MYO5A: variants seen among roughly 807,000 people sequenced by gnomAD.
The protein encoded by MYO5A is unconventional myosin-Va.
A neutral mutation model predicts 249.7 loss-of-function variants in MYO5A; 98 were observed. The observed-to-expected ratio is 0.39, with a 90% CI of 0.33 to 0.46. The LOEUF is 0.46. Ranked by LOEUF, MYO5A falls within the 20% of genes least tolerant of loss-of-function variation. The probability of loss-of-function intolerance (pLI) is 0.98; values close to 1 mark genes in which losing one functional copy is unlikely to be tolerated. For missense variants in MYO5A, 1,696 were observed against 2,308.8 expected, an observed-to-expected ratio of 0.73 and a Z score of 5.44; for synonymous variants, 778 against 810.6, an observed-to-expected ratio of 0.96 and a Z score of 0.68.
At chr15:52,456,624 C>T (rs1448914518) in intron 1 of MYO5A, among the ~76,000 whole-genome samples, 1 of 151,858 alleles carries the variant, frequency 6.6e-6, no homozygotes, top group African/African-American at 2.4e-5. Context: ...AAAACAGACA[C>T]ATAGACCAAG....
chr15:52,410,623 T>G (rs2043206573), intron 5 of MYO5A, 147 bp from the exon 6 acceptor site: 1 of 759,592 alleles, frequency 1.3e-6, no homozygotes, highest in African/African-American at 1.8e-5. Context: ...AGTCTTGCTC[T>G]GTCACTAGGC....
chr15:52,424,029 G>GTGAT (rs2075343742), intron 4 of MYO5A, among the ~76,000 whole-genome samples: 1 of 152,184 alleles, frequency 6.6e-6, no homozygotes, highest in African/African-American at 2.4e-5. Flanking sequence ...AGCCACCCAT[G>GTGAT]TGATTTTTTC....
intron 36 of MYO5A, among the ~76,000 whole-genome samples, chr15:52,325,408 C>CTT (rs1209313890): frequency 1.2e-3 from 172 of 139,458 alleles, no homozygotes; most frequent in African/African-American, 4.0e-3. Flanking sequence ...AAGCCCCCCA[C>CTT]TTTTTTTTTT....
chr15:52,377,363 A>G (rs1236063805), intron 18 of MYO5A, among the ~76,000 whole-genome samples: 1 of 151,910 alleles, frequency 6.6e-6, no homozygotes, highest in Non-Finnish European at 1.5e-5. Flanking sequence ...TGGAGGTTGC[A>G]GTGAGCCAAG....
intron 32 of MYO5A, 43 bp downstream of exon 32, chr15:52,340,153 C>T (rs749072395): frequency 3.1e-6 from 5 of 1,604,740 alleles, no homozygotes; most frequent in Non-Finnish European, 3.4e-6. Context: ...GACTGTCGGG[C>T]AGGCTAGGTT....
rs549127504 is a variant in MYO5A, at chr15:52,360,161, G to C, written c.3310-80C>G. 4.1e-4 allele frequency: 389 copies of C among 939,344 alleles called. 1 individual carries two copies. The African/African-American group carries it at 5.7e-3, about 14-fold the overall frequency. 58.2% of individuals were successfully genotyped at this position (939,344 alleles called of 1,614,324 possible). ...GTTAAGACAGCATCCACCTTGACTT[G>C]GTTCTTATCCCTACTTCCTGACTTG... is the stretch of plus-strand genomic sequence containing the variant. On this transcript the variant is annotated intron_variant, in intron 24 of 41. Coordinates refer to ENST00000399233, the MANE Select transcript of MYO5A (RefSeq NM_001382347.1).
chr15:52,410,587 G>GT (rs2043204330), intron 5 of MYO5A, 111 bp from the exon 6 acceptor site: 4 of 856,260 alleles, frequency 4.7e-6, no homozygotes, highest in Non-Finnish European at 6.8e-6. Context: ...CCTTAAAATT[G>GT]ATTTTTTTTT....
intron 1 of MYO5A, among the ~76,000 whole-genome samples, chr15:52,439,371 T>C (rs2075737941): frequency 6.6e-6 from 1 of 152,166 alleles, no homozygotes; most frequent in African/African-American, 2.4e-5. Context: ...CTAGATCTAG[T>C]CCCTCATTAT....
Position 52,379,547 on chromosome 15 carries a change from A to G in MYO5A, c.2208+78T>C, listed in dbSNP as rs532779020. 18 of 1,292,758 alleles carry G rather than the reference A, an allele frequency of 1.4e-5. No individual in the cohort carries two copies. In the African/African-American group the frequency reaches 1.7e-4, roughly 13 times the overall value. The allele number at this position is 1,292,758 out of a possible 1,614,324, so 80.1% of individuals were successfully genotyped here. A position where few individuals can be genotyped will look rare whatever the true frequency, so the allele number is the denominator to read the frequency against. On this transcript the variant is annotated intron_variant, in intron 18 of 41. Coordinates refer to ENST00000399233, the MANE Select transcript of MYO5A (RefSeq NM_001382347.1). ...ATGATCTGGACTAGTAAAATGTTAT[A>G]CAAAAGTTCCCGGGGCTTTCCAAGG...
At chr15:52,425,060 G>T (rs1193635313) in intron 4 of MYO5A, among the ~76,000 whole-genome samples, 1 of 152,198 alleles carries the variant, frequency 6.6e-6, no homozygotes, top group Non-Finnish European at 1.5e-5. Flanking sequence ...TTCAAGCCCA[G>T]CCTGGGCAAC....
Position 52,410,419 on chromosome 15 carries a change from T to G in MYO5A, c.670A>C (p.Ile224Leu), listed in dbSNP as rs751949143. The G allele has an allele frequency of 1.2e-6, 2 of 1,613,530 alleles. No homozygotes were observed. Among genetic ancestry groups the G allele is most frequent in the South Asian group, 2.2e-5 (2 of 91,062 alleles). ...TATCTCTTATCAAAACCAATCTCAA[T>G]ATACTTCCCAAAACGGCTGCTATTA... ...NDNSSRFGKY[I>L]EIGFDKRYRI... The change falls in exon 6 of 42, where the codon ATT becomes CTT. Residue 224 changes from isoleucine to leucine, a missense_variant. Ile to Leu is a conservative substitution (Grantham distance 5). Around this residue, in one of 5 missense-constraint regions of MYO5A, gnomAD observed 197 missense variants for 320.3 expected, o/e 0.62. Transcript: ENST00000399233.
At chr15:52,482,370 C>T (rs187363371) in intron 1 of MYO5A, among the ~76,000 whole-genome samples, 95 of 152,264 alleles carry the variant, frequency 6.2e-4, no homozygotes, top group African/African-American at 2.2e-3. Flanking sequence ...GGGCTTGGGC[C>T]CTTTGCTGCT....
intron 21 of MYO5A, 70 bp from the exon 22 acceptor site, chr15:52,370,487 T>A: frequency 6.8e-7 from 1 of 1,479,658 alleles, no homozygotes; most frequent in Non-Finnish European, 9.4e-7. Context: ...AAGAAAACCA[T>A]GTTTATTCAT....
chr15:52,352,531 C>T (rs2040004731), intron 27 of MYO5A, among the ~76,000 whole-genome samples: 1 of 152,208 alleles, frequency 6.6e-6, no homozygotes, highest in Non-Finnish European at 1.5e-5. Context: ...CCTGTAATCC[C>T]AGCACTTTGG....
At chr15:52,410,957 A>G (rs1423935835) in intron 5 of MYO5A, among the ~76,000 whole-genome samples, 1 of 152,188 alleles carries the variant, frequency 6.6e-6, no homozygotes, top group East Asian at 1.9e-4. Flanking sequence ...AGTCACACAG[A>G]TATATACTAA....
Position 52,313,765 on chromosome 15 carries a change from T to C in MYO5A, c.5574A>G (p.Pro1858=), listed in dbSNP as rs372406787. 6.3e-5 allele frequency: 101 copies of C among 1,614,054 alleles called. 1 individual carries two copies. The Middle Eastern group carries it at 9.9e-4, about 16-fold the overall frequency. The change falls in exon 42 of 42, where the codon CCA becomes CCG. Residue 1858 remains proline (P), a synonymous_variant. Coordinates refer to ENST00000399233, the MANE Select transcript of MYO5A (RefSeq NM_001382347.1). ...GGATGGTTTCTAGTGCGAGGGAAGATGGGTTGAAAGGAAAGGTGACAGGAA... is the reference window on the plus strand; with the variant it reads ...GGATGGTTTCTAGTGCGAGGGAAGACGGGTTGAAAGGAAAGGTGACAGGAA... ...HIFPVTFPFN[P]SSLALETIQI...
rs767949168 is a variant in MYO5A, at chr15:52,396,307, C to T, written c.1401+9G>A. 8 of 1,460,498 alleles carry T rather than the reference C, an allele frequency of 5.5e-6. 1 individual carries two copies. In the South Asian group the frequency reaches 9.3e-5, roughly 17 times the overall value. The allele number at this position is 1,460,498 out of a possible 1,614,324, so 90.5% of individuals were successfully genotyped here. ...TAGCAGAGTATTATTCAAGGAAGAACATTCTTACCATATTGAATTGTTGCT... is the reference window on the plus strand; with the variant it reads ...TAGCAGAGTATTATTCAAGGAAGAATATTCTTACCATATTGAATTGTTGCT... On this transcript the variant is annotated intron_variant, in intron 11 of 41. Transcript: ENST00000399233.
intron 25 of MYO5A, among the ~76,000 whole-genome samples, chr15:52,355,355 T>C (rs547604650): frequency 6.6e-6 from 1 of 152,306 alleles, no homozygotes; most frequent in East Asian, 1.9e-4. Flanking sequence ...ATGAAAATGA[T>C]TATCACATTT....
intron 24 of MYO5A, among the ~76,000 whole-genome samples, chr15:52,361,818 G>C (rs980362454): frequency 6.6e-6 from 1 of 152,156 alleles, no homozygotes; most frequent in East Asian, 1.9e-4. Context: ...TATTTGACTG[G>C]ATCATCACGT....
Sources: allele counts gnomAD v4.1 joint callset (sites outside exome capture counted in the v4.1 genomes callset), GRCh38; gene constraint gnomAD v4.1.1; regional missense constraint gnomAD v4.1.1; transcripts MANE v1.5; gene names NCBI Gene and HGNC (gene_info 2026-07-23, HGNC 2026-07-21).